The following FGGY variants were observed in gnomAD, a reference collection of about 807,000 sequenced individuals.
FGGY encodes the protein FGGY carbohydrate kinase domain-containing protein.
In FGGY, 72 loss-of-function variants were observed where a neutral mutation model predicts 71.3. The observed-to-expected ratio is 1.01, with a 90% confidence interval of 0.84 to 1.23. The LOEUF (loss-of-function observed/expected upper bound fraction) is 1.23. FGGY is among the 50% of genes most tolerant of loss of function. The pLI, the probability that FGGY is intolerant of heterozygous loss-of-function variation, is 0.00. For synonymous variants in FGGY, 251 were observed against 250.3 expected, an observed-to-expected ratio of 1.00 and a Z score of -0.02; for missense variants, 668 against 682.3, an observed-to-expected ratio of 0.98 and a Z score of 0.23.
At chr1:59,627,097 C>T (rs1395757095) in intron 10 of FGGY, among the ~76,000 whole-genome samples, 2 of 151,660 alleles carry the variant, frequency 1.3e-5, no homozygotes, top group African/African-American at 4.8e-5. Context: ...TGTATGTTGG[C>T]ATGGGCAAAA....
At chr1:59,601,265 T>C (rs1340074148) in intron 8 of FGGY, among the ~76,000 whole-genome samples, 1 of 152,208 alleles carries the variant, frequency 6.6e-6, no homozygotes, top group Non-Finnish European at 1.5e-5. Flanking sequence ...GTGATGGCGT[T>C]GCAGGGAGGC....
In FGGY at chr1:59,538,977, C is replaced by T. The variant is rs556911683; in HGVS notation, c.800-15147C>T. Among the ~76,000 whole-genome samples the T allele has an allele frequency of 1.6e-3, 250 of 151,788 alleles. 6 individuals are homozygous for T. The South Asian group carries it at 0.027, about 16-fold the overall frequency. The stretch of plus-strand genomic sequence containing the variant: ...AACCTGCACATTGTGCACATGTACC[C>T]TAAAACTTAAAGTATAATAATAATA... On this transcript the variant is annotated intron_variant, in intron 7 of 15. Coordinates refer to ENST00000303721, the MANE Select transcript of FGGY (RefSeq NM_018291.5).
intron 6 of FGGY, among the ~76,000 whole-genome samples, chr1:59,473,860 G>A (rs77822105): frequency 0.018 from 2,798 of 152,302 alleles, 97 homozygotes; most frequent in African/African-American, 0.065. Context: ...CTGTTTGTGT[G>A]TCGGGGCAGG....
At chr1:59,651,526 T>G (rs2097161050) in intron 11 of FGGY, among the ~76,000 whole-genome samples, 1 of 146,308 alleles carries the variant, frequency 6.8e-6, no homozygotes, top group South Asian at 2.2e-4. Context: ...TTGTCTCTTT[T>G]GATCTTTGTT....
chr1:59,613,695 C>T (rs762873553), intron 9 of FGGY, among the ~76,000 whole-genome samples: 10 of 151,912 alleles, frequency 6.6e-5, no homozygotes, highest in South Asian at 2.1e-4. Context: ...TTCAAAAAAT[C>T]GATGCATCCA....
intron 11 of FGGY, among the ~76,000 whole-genome samples, chr1:59,655,531 G>T (rs1004877917): frequency 1.3e-5 from 2 of 151,262 alleles, no homozygotes; most frequent in African/African-American, 2.4e-5. Context: ...TGTGGTGTTT[G>T]GTTTTCTGTT....
intron 6 of FGGY, among the ~76,000 whole-genome samples, chr1:59,479,652 G>A (rs1048347600): frequency 2.0e-5 from 3 of 152,174 alleles, no homozygotes; most frequent in Admixed American, 1.3e-4. Context: ...TTCTGACAGA[G>A]TGGTAGCCAA....
intron 3 of FGGY, among the ~76,000 whole-genome samples, chr1:59,342,032 G>A (rs186175819): frequency 1.3e-5 from 2 of 152,196 alleles, no homozygotes; most frequent in Non-Finnish European, 2.9e-5. Context: ...CCATGTTAGA[G>A]AGCCTGATTT....
intron 14 of FGGY, among the ~76,000 whole-genome samples, chr1:59,683,440 C>A (rs539727748): frequency 3.9e-5 from 6 of 152,302 alleles, no homozygotes; most frequent in African/African-American, 1.4e-4. Context: ...GTTCTGTATA[C>A]ATATGCTATG....
chr1:59,673,419 C>T (rs189094469), intron 13 of FGGY, among the ~76,000 whole-genome samples: 111 of 152,134 alleles, frequency 7.3e-4, no homozygotes, highest in African/African-American at 2.4e-3. Context: ...GCCAGGACTA[C>T]GTGGCTGGAA....
intron 5 of FGGY, among the ~76,000 whole-genome samples, chr1:59,448,035 C>T (rs530859962): frequency 2.6e-5 from 4 of 152,176 alleles, no homozygotes; most frequent in African/African-American, 4.8e-5. Flanking sequence ...AGCACCACCA[C>T]CTCCTGAACT....
At chr1:59,455,162 A>C (rs2091560569) in intron 5 of FGGY, among the ~76,000 whole-genome samples, 4 of 152,190 alleles carry the variant, frequency 2.6e-5, no homozygotes, top group Admixed American at 2.6e-4. Context: ...TTGCTGGTTT[A>C]GTGGGAGAGA....
At chr1:59,381,256 G>T (rs2059397848) in intron 5 of FGGY, among the ~76,000 whole-genome samples, 1 of 152,166 alleles carries the variant, frequency 6.6e-6, no homozygotes, top group Non-Finnish European at 1.5e-5. Context: ...TTTGGCTTAG[G>T]ATTGTCTTGG....
intron 11 of FGGY, among the ~76,000 whole-genome samples, chr1:59,643,960 T>C (rs1001886750): frequency 1.3e-5 from 2 of 152,212 alleles, no homozygotes; most frequent in African/African-American, 4.8e-5. Context: ...GCAAAACGCA[T>C]GGAGGACTAT....
At chr1:59,750,678 A>G (rs890978595) in intron 14 of FGGY, among the ~76,000 whole-genome samples, 17 of 152,238 alleles carry the variant, frequency 1.1e-4, no homozygotes, top group South Asian at 2.1e-4. Context: ...GTGCAGGTCA[A>G]AAGATGACTG....
chr1:59,446,224 G>A (rs1305761300), intron 5 of FGGY, among the ~76,000 whole-genome samples: 2 of 152,054 alleles, frequency 1.3e-5, no homozygotes, highest in African/African-American at 4.8e-5. Flanking sequence ...GAATATTTTG[G>A]TGGCAACTTT....
At chr1:59,413,211 A>G (rs948968146) in intron 5 of FGGY, among the ~76,000 whole-genome samples, 21 of 152,174 alleles carry the variant, frequency 1.4e-4, no homozygotes, top group African/African-American at 4.6e-4. Context: ...GTATTCATTT[A>G]TAATAGTGAT....
intron 7 of FGGY, among the ~76,000 whole-genome samples, chr1:59,512,905 A>G (rs1357398485): frequency 6.6e-6 from 1 of 152,160 alleles, no homozygotes; most frequent in Non-Finnish European, 1.5e-5. Flanking sequence ...TCATTCATGT[A>G]TTCATTTGTT....
intron 5 of FGGY, among the ~76,000 whole-genome samples, chr1:59,406,167 C>G (rs1414338704): frequency 5.4e-5 from 6 of 112,062 alleles, no homozygotes; most frequent in African/African-American, 1.7e-4. Context: ...CTTACTAAAT[C>G]TTATTTGTAA....
Sources: allele counts gnomAD v4.1 joint callset (sites outside exome capture counted in the v4.1 genomes callset), GRCh38; gene constraint gnomAD v4.1.1; transcripts MANE v1.5; gene names NCBI Gene and HGNC (gene_info 2026-07-23, HGNC 2026-07-21).